Variants in LOC728743 observed in about 807,000 individuals in gnomAD.
At chr7:150,411,501 C>T in the LOC728743 span, 1 of 152,662 alleles carries the variant, frequency 6.6e-6, no homozygotes, top group East Asian at 1.9e-4. Flanking sequence ...GCTACAAGTT[C>T]TCACCTGCCT....
At chr7:150,404,536 T>G in the LOC728743 span, 1 of 152,190 alleles carries the variant, frequency 6.6e-6, no homozygotes, top group Non-Finnish European at 1.5e-5. Flanking sequence ...TATTGGAAGG[T>G]TCCCACGAGA....
chr7:150,409,663 G>A, the LOC728743 span, among the ~76,000 whole-genome samples: 1 of 152,162 alleles, frequency 6.6e-6, no homozygotes, highest in Non-Finnish European at 1.5e-5. Flanking sequence ...TGTGATAGGA[G>A]CTGGGGCAGG....
chr7:150,403,889 G>A, the LOC728743 span, among the ~76,000 whole-genome samples: 6 of 152,346 alleles, frequency 3.9e-5, no homozygotes, highest in East Asian at 9.7e-4. This position sits in a 1 kb window ranked among gnomAD's most constrained non-coding sequence, Gnocchi z 5.1. Context: ...AGCTGTGAAA[G>A]CAGGCAGGCC....
At chr7:150,406,337 G>C in the LOC728743 span, among the ~76,000 whole-genome samples, 1 of 152,182 alleles carries the variant, frequency 6.6e-6, no homozygotes, top group Non-Finnish European at 1.5e-5. Flanking sequence ...AGGAGCCCAA[G>C]TTTTGGTGGG....
At chr7:150,410,009 G>GTCCCC in the LOC728743 span, among the ~76,000 whole-genome samples, 1 of 152,166 alleles carries the variant, frequency 6.6e-6, no homozygotes, top group African/African-American at 2.4e-5. Flanking sequence ...TCCTTGCAGT[G>GTCCCC]CTTGGTAGGG....
the LOC728743 span, among the ~76,000 whole-genome samples, chr7:150,407,240 C>T: frequency 1.3e-5 from 2 of 152,140 alleles, no homozygotes; most frequent in East Asian, 1.9e-4. Context: ...TGCTGGGAGT[C>T]GGGGGACAGA....
chr7:150,408,139 G>T, the LOC728743 span: 1 of 388,684 alleles, frequency 2.6e-6, no homozygotes, highest in South Asian at 1.3e-4. Context: ...AGAGCTTCGC[G>T]CGCGAGGGCT....
the LOC728743 span, chr7:150,408,022 C>T: frequency 2.5e-6 from 1 of 397,386 alleles, no homozygotes; most frequent in Non-Finnish European, 4.4e-6. Context: ...GCGAGCCGCG[C>T]TTCCTGCTCA....
the LOC728743 span, among the ~76,000 whole-genome samples, chr7:150,403,672 C>A: frequency 6.6e-6 from 1 of 152,192 alleles, no homozygotes; most frequent in Non-Finnish European, 1.5e-5. The surrounding 1 kb of genome is among the most constrained non-coding windows in gnomAD (Gnocchi z 5.1). Flanking sequence ...GGACTAGTTT[C>A]TTTGTCTTCC....
At chr7:150,411,708 G>C in the LOC728743 span, 1 of 152,278 alleles carries the variant, frequency 6.6e-6, no homozygotes. Context: ...CCGAGAACGA[G>C]AAGGTGCTCC....
chr7:150,406,287 G>C, the LOC728743 span, among the ~76,000 whole-genome samples: 1 of 152,300 alleles, frequency 6.6e-6, no homozygotes, highest in South Asian at 2.1e-4. Flanking sequence ...TTCCCTGATG[G>C]GGTTGGGGAG....
the LOC728743 span, chr7:150,408,557 T>G: frequency 4.8e-6 from 1 of 209,220 alleles, no homozygotes. Flanking sequence ...TGCGTGGTGT[T>G]GATTCTTGAT....
chr7:150,407,546 TCCACCCC>T, the LOC728743 span: 1 of 398,038 alleles, frequency 2.5e-6, no homozygotes, highest in Non-Finnish European at 4.4e-6. Context: ...CCCCTCTCTC[TCCACCCC>T]CCACCCCCGC....
At chr7:150,408,281 C>T in the LOC728743 span, 1 of 374,014 alleles carries the variant, frequency 2.7e-6, no homozygotes. Context: ...GTCCCCGACC[C>T]CTGGAGATGG....
the LOC728743 span, chr7:150,411,683 T>A: frequency 6.6e-6 from 1 of 152,342 alleles, no homozygotes; most frequent in East Asian, 1.9e-4. Flanking sequence ...AATAGCAGAA[T>A]GCTCAGGGGG....
chr7:150,409,025 G>A, the LOC728743 span, among the ~76,000 whole-genome samples: 3 of 152,150 alleles, frequency 2.0e-5, no homozygotes, highest in African/African-American at 7.2e-5. Context: ...GGGTGAGACC[G>A]AGGAGGGTGA....
chr7:150,401,181 T>G, the LOC728743 span, among the ~76,000 whole-genome samples: 3 of 152,246 alleles, frequency 2.0e-5, no homozygotes, highest in African/African-American at 7.2e-5. Flanking sequence ...TGTATTTCTT[T>G]GTTAGGAGCA....
the LOC728743 span, among the ~76,000 whole-genome samples, chr7:150,406,757 T>G: frequency 6.6e-6 from 1 of 152,168 alleles, no homozygotes; most frequent in African/African-American, 2.4e-5. Flanking sequence ...GGCTGGGCAC[T>G]GAGGGTGCTG....
At chr7:150,411,075 G>T in the LOC728743 span, 1 of 152,300 alleles carries the variant, frequency 6.6e-6, no homozygotes, top group Non-Finnish European at 1.5e-5. Context: ...TTCTCTTCTG[G>T]TTTTGTTTCT....
Sources: gnomAD v4.1 joint callset for allele counts (sites outside exome capture counted in the v4.1 genomes callset) on GRCh38, gnomAD v4.1.1 for gene constraint, Gnocchi (gnomAD v3.1) non-coding constraint, MANE v1.5 for transcripts.